The following MS4A3 variants were observed in gnomAD, a reference collection of about 807,000 sequenced individuals.
MS4A3 encodes membrane-spanning 4-domains subfamily A member 3.
In MS4A3, 18 loss-of-function variants were observed where a neutral mutation model predicts 24.7. The observed-to-expected ratio is 0.73, with a 90% CI of 0.50 to 1.08. The LOEUF (loss-of-function observed/expected upper bound fraction) is 1.08, where lower values mean the gene tolerates loss of function less well. Among genes scored for constraint, MS4A3 ranks in the 50% least tolerant of loss-of-function variants. The pLI is 0.00. For missense variants in MS4A3, 282 were observed against 251.7 expected (o/e 1.12, Z -0.82); for synonymous variants, 84 against 95.3 (o/e 0.88, Z 0.69).
At chr11:60,067,720 T>C (rs1253920940) in intron 5 of MS4A3, among the ~76,000 whole-genome samples, 1 of 152,126 alleles carries the variant, frequency 6.6e-6, no homozygotes, top group Non-Finnish European at 1.5e-5. Flanking sequence ...TTACCACAAC[T>C]ACTACTATTA....
At position 60,070,274 on chromosome 11, in the gene MS4A3, C is replaced by A. The variant is rs764891057; in HGVS notation, c.*41C>A. The A allele has an allele frequency of 2.0e-6, 3 of 1,510,622 alleles. No individual in the cohort carries two copies. Among genetic ancestry groups the A allele is most frequent in the South Asian group, 2.3e-5 (2 of 86,812 alleles). 93.6% of individuals were successfully genotyped at this position (1,510,622 alleles called of 1,614,324 possible). A position where few individuals can be genotyped will look rare whatever the true frequency, so the allele number is the denominator to read the frequency against. ...TAATTCTGAGAGCATGAATATTTGA[C>A]CTTAAATCTCCAGTGACTCAGAGCT... On this transcript the variant is annotated 3_prime_UTR_variant, in exon 7 of 7. Coordinates refer to ENST00000278865, the MANE Select transcript of MS4A3 (RefSeq NM_006138.5).
chr11:60,061,281 C>G lies in MS4A3; in HGVS notation c.121C>G (p.Pro41Ala). 2.5e-6 allele frequency: 4 copies of G among 1,612,042 alleles called. No individual in the cohort carries two copies. The highest frequency in any genetic ancestry group is 1.7e-6 in the Non-Finnish European group (2 of 1,179,420). ...TSVYQPIDGS[P>A]DYQKAKLQVL... The stretch of plus-strand genomic sequence containing the variant: ...TGTCTACCAGCCCATAGATGGATCA[C>G]CAGATTATCAGAAAGCAAAATTACA... Residue 41 changes from proline to alanine, a missense_variant, in exon 2 of 7, where the codon CCA (proline) becomes GCA (alanine). Pro to Ala is a conservative substitution (Grantham distance 27, BLOSUM62 -1). Transcript: ENST00000278865.
At chr11:60,067,836 G>A (rs966454683) in intron 5 of MS4A3, among the ~76,000 whole-genome samples, 4 of 150,906 alleles carry the variant, frequency 2.7e-5, no homozygotes, top group Non-Finnish European at 4.4e-5. Flanking sequence ...TCACGAGGTC[G>A]AGAGATCGAG....
At chr11:60,068,167 G>A (rs567118770) in intron 5 of MS4A3, among the ~76,000 whole-genome samples, 101 of 151,486 alleles carry the variant, frequency 6.7e-4, no homozygotes, top group African/African-American at 2.4e-3. Context: ...ATGACTTGAA[G>A]TTTTGAAGGA....
intron 4 of MS4A3, among the ~76,000 whole-genome samples, chr11:60,065,103 G>T (rs1855338263): frequency 6.6e-6 from 1 of 151,892 alleles, no homozygotes; most frequent in Admixed American, 6.6e-5. Flanking sequence ...CAGTGGTGTG[G>T]TCACAGCTCA....
intron 3 of MS4A3, among the ~76,000 whole-genome samples, chr11:60,063,642 G>A (rs529023068): frequency 3.6e-4 from 55 of 152,132 alleles, no homozygotes; most frequent in Non-Finnish European, 3.2e-4. Flanking sequence ...TCCTTTTGCC[G>A]TGCAAAAGCT....
At chr11:60,069,534 T>C in intron 5 of MS4A3, 40 bp from the exon 6 acceptor site, 1 of 1,397,642 alleles carries the variant, frequency 7.2e-7, no homozygotes, top group Non-Finnish European at 1.0e-6. Context: ...TACCTCTGGA[T>C]GTTGCCACTG....
At chr11:60,067,998 G>A (rs1855398473) in intron 5 of MS4A3, among the ~76,000 whole-genome samples, 1 of 152,072 alleles carries the variant, frequency 6.6e-6, no homozygotes, top group African/African-American at 2.4e-5. Flanking sequence ...GTTGCGGTGA[G>A]CCGAGATTGC....
At chr11:60,068,606 C>T (rs987966817) in intron 5 of MS4A3, among the ~76,000 whole-genome samples, 1 of 152,004 alleles carries the variant, frequency 6.6e-6, no homozygotes, top group Non-Finnish European at 1.5e-5. Flanking sequence ...CTTCTGAACT[C>T]TACTTAGAAA....
At chr11:60,058,904 T>C (rs1394718734) in intron 1 of MS4A3, among the ~76,000 whole-genome samples, 1 of 152,188 alleles carries the variant, frequency 6.6e-6, no homozygotes, top group Non-Finnish European at 1.5e-5. Flanking sequence ...TAGGAACTTA[T>C]TCACATAGAG....
At chr11:60,063,622 T>A (rs1377382351) in intron 3 of MS4A3, among the ~76,000 whole-genome samples, 1 of 152,244 alleles carries the variant, frequency 6.6e-6, no homozygotes, top group African/African-American at 2.4e-5. Context: ...CTGTTTACTC[T>A]GCTGACTGTT....
At position 60,061,222 on chromosome 11, in the gene MS4A3, G is replaced by A. The variant is rs1179926609; in HGVS notation, c.62G>A (p.Gly21Asp). The A allele has an allele frequency of 6.2e-7, 1 of 1,613,422 alleles. No individual in the cohort carries two copies. The highest frequency in any genetic ancestry group is 1.7e-5 in the Admixed American group (1 of 59,928). ...LGSASAHGTP[G>D]SEAGPEELNT... ...TCAGCCTCTGCCCATGGTACCCCAG[G>A]CAGTGAGGCGGGACCAGAAGAGCTG... The change falls in exon 2 of 7, where the codon GGC becomes GAC. Residue 21 changes from glycine (G) to aspartate (D), a missense_variant. Physicochemically the swap from Gly to Asp is moderately conservative, Grantham distance 94 (BLOSUM62 -1). Transcript: ENST00000278865.
intron 3 of MS4A3, chr11:60,062,806 T>G (rs760127114): frequency 9.3e-5 from 33 of 353,246 alleles, no homozygotes; most frequent in Non-Finnish European, 1.4e-4. Flanking sequence ...TAATTTATTT[T>G]TTGAGACAAA....
At chr11:60,063,630 G>A (rs1353622098) in intron 3 of MS4A3, among the ~76,000 whole-genome samples, 1 of 152,108 alleles carries the variant, frequency 6.6e-6, no homozygotes, top group Non-Finnish European at 1.5e-5. Context: ...TCTGCTGACT[G>A]TTCCTTTTGC....
At chr11:60,065,962 G>A (rs773456990) in intron 4 of MS4A3, among the ~76,000 whole-genome samples, 2 of 152,118 alleles carry the variant, frequency 1.3e-5, no homozygotes, top group Non-Finnish European at 2.9e-5. Flanking sequence ...AGTATTTCCA[G>A]CCCAGGTGTC....
At chr11:60,058,366 G>T (rs564608085) in intron 1 of MS4A3, among the ~76,000 whole-genome samples, 3 of 151,642 alleles carry the variant, frequency 2.0e-5, no homozygotes, top group South Asian at 4.2e-4. Context: ...AATTAGCTGG[G>T]TGTGGTGGTG....
In MS4A3 at chr11:60,061,327, C is replaced by G. The variant is rs756582002; in HGVS notation, c.156+11C>G. The stretch of plus-strand genomic sequence containing the variant: ...TTACAAGTTCTTGGGGTAAGTCAGC[C>G]TTAGTTTAAACACTGATTTAAGAGG... On this transcript the variant is annotated intron_variant, in intron 2 of 6. Transcript: ENST00000278865. 4 of 1,600,990 alleles carry G rather than the reference C, an allele frequency of 2.5e-6. No homozygotes were observed. The South Asian group carries it at 4.5e-5, about 18-fold the overall frequency.
chr11:60,059,296 C>T (rs1261582024), intron 1 of MS4A3, among the ~76,000 whole-genome samples: 2 of 151,278 alleles, frequency 1.3e-5, no homozygotes, highest in Non-Finnish European at 2.9e-5. Flanking sequence ...CTGAAAGTGG[C>T]GTGTATTTAG....
chr11:60,062,606 G>T lies in MS4A3; in HGVS notation c.294+1G>T, dbSNP rs138577150. 28 of 1,613,834 alleles carry T rather than the reference G, an allele frequency of 1.7e-5. No homozygotes were observed. Among genetic ancestry groups the T allele is most frequent in the Non-Finnish European group, 2.2e-5 (26 of 1,179,962 alleles). On this transcript the variant is annotated splice_donor_variant, in intron 3 of 6. Coordinates refer to ENST00000278865, the MANE Select transcript of MS4A3 (RefSeq NM_006138.5). LOFTEE classifies it high-confidence loss of function. ...CTACCCGATTTGGGGTGCTGTGTTT[G>T]TGAGTATTCGTACTCCCCTGGCTAT...
Sources: gnomAD v4.1 joint callset for allele counts (sites outside exome capture counted in the v4.1 genomes callset) on GRCh38, gnomAD v4.1.1 for gene constraint, MANE v1.5 for transcripts, NCBI Gene and HGNC (gene_info 2026-07-23, HGNC 2026-07-21) for gene names.